Variants in KPNA1 observed in about 807,000 individuals in gnomAD.
KPNA1 encodes karyopherin subunit alpha 1, also known as importin subunit alpha-5.
KPNA1 carries 10 observed loss-of-function variants against 70.5 expected under a neutral mutation model. The observed-to-expected ratio is 0.14, with a 90% CI of 0.09 to 0.24. The LOEUF is 0.24. Among genes scored for constraint, KPNA1 ranks in the 10% least tolerant of loss-of-function variants. The pLI is 1.00. For missense variants in KPNA1, 397 were observed against 637.9 expected (o/e 0.62, Z 4.07); for synonymous variants, 192 against 221.9 (o/e 0.87, Z 1.20).
chr3:122,481,985 G>C (rs2076576273), intron 2 of KPNA1, among the ~76,000 whole-genome samples: 1 of 152,020 alleles, frequency 6.6e-6, no homozygotes, highest in Non-Finnish European at 1.5e-5. Context: ...TACTGTATAA[G>C]AACATACATA....
rs573159535 is a variant in KPNA1, at chr3:122,427,054, C to G, written c.1548G>C (p.Gln516His). 1 of 1,614,126 alleles carries G rather than the reference C, an allele frequency of 6.2e-7. No homozygotes were observed. The highest frequency in any genetic ancestry group is 1.1e-5 in the South Asian group (1 of 91,082). The change falls in exon 14 of 14, where the codon CAG becomes CAC. Residue 516 changes from glutamine to histidine, a missense_variant. By Grantham distance (24) the Gln-to-His change is conservative. Coordinates refer to ENST00000344337, the MANE Select transcript of KPNA1 (RefSeq NM_002264.4). ...TEDEDSSIAP[Q>H]VDLNQQQYIF... Reference sequence around the variant, plus strand: ...TGTACTGCTGCTGGTTAAGGTCAACCTGGGGTGCAATGCTGCTGTCTTCAT... The same window carrying G: ...TGTACTGCTGCTGGTTAAGGTCAACGTGGGGTGCAATGCTGCTGTCTTCAT...
intron 11 of KPNA1, among the ~76,000 whole-genome samples, chr3:122,436,913 GACT>G (rs1301643740): frequency 6.6e-6 from 1 of 152,086 alleles, no homozygotes; most frequent in East Asian, 1.9e-4. Context: ...GCGTAGCTGG[GACT>G]ACAGGCACCT....
intron 5 of KPNA1, chr3:122,460,160 GA>G: frequency 1.0e-6 from 1 of 985,104 alleles, no homozygotes; most frequent in African/African-American, 1.7e-5. Flanking sequence ...CTACAGGTGA[GA>G]ATTTAGGGAT....
At chr3:122,440,169 C>T (rs1432909850) in intron 10 of KPNA1, among the ~76,000 whole-genome samples, 1 of 152,062 alleles carries the variant, frequency 6.6e-6, no homozygotes, top group African/African-American at 2.4e-5. Flanking sequence ...CATAATCCAC[C>T]TCTAGAATCT....
chr3:122,497,112 A>G (rs2076772099), intron 1 of KPNA1, among the ~76,000 whole-genome samples: 1 of 152,232 alleles, frequency 6.6e-6, no homozygotes, highest in South Asian at 2.1e-4. Flanking sequence ...AATCACCTCA[A>G]AAAGAAATCC....
chr3:122,495,716 C>T (rs2076751686), intron 2 of KPNA1, among the ~76,000 whole-genome samples: 1 of 127,596 alleles, frequency 7.8e-6, no homozygotes, highest in Admixed American at 8.8e-5. Flanking sequence ...GCTCCAAAGT[C>T]TCTCCTTAGC....
At chr3:122,445,059 G>A (rs192002814) in intron 9 of KPNA1, among the ~76,000 whole-genome samples, 9 of 152,318 alleles carry the variant, frequency 5.9e-5, no homozygotes, top group South Asian at 2.1e-4. Flanking sequence ...TAACTTTGAC[G>A]AGTTGACAGA....
Position 122,514,425 on chromosome 3 carries a change from C to A in KPNA1, c.-6+332G>T, listed in dbSNP as rs964207156. On this transcript the variant is annotated intron_variant, in intron 1 of 13. Transcript: ENST00000344337. ...AGGCTCCGCGCTCGCCTCCTCTCCG[C>A]CCGCTGCCTCGGCGCCCCGCAGTCC... 2.0e-5 allele frequency: 3 copies of A among 151,366 alleles called. No individual in the cohort carries two copies. In the Admixed American group the frequency reaches 2.0e-4, roughly 10 times the overall value. 9.4% of individuals were successfully genotyped at this position (151,366 alleles called of 1,614,324 possible).
At chr3:122,478,729 A>T (rs2076534980) in intron 2 of KPNA1, among the ~76,000 whole-genome samples, 1 of 148,808 alleles carries the variant, frequency 6.7e-6, no homozygotes, top group African/African-American at 2.5e-5. Flanking sequence ...CTTCATCTAA[A>T]AAAAAAAAAA....
intron 2 of KPNA1, among the ~76,000 whole-genome samples, chr3:122,470,196 A>G (rs775959076): frequency 2.0e-5 from 3 of 152,202 alleles, no homozygotes; most frequent in African/African-American, 4.8e-5. Flanking sequence ...TATATACATA[A>G]GATTACAAAC....
intron 5 of KPNA1, among the ~76,000 whole-genome samples, chr3:122,459,092 G>C (rs912814961): frequency 6.6e-6 from 1 of 152,152 alleles, no homozygotes; most frequent in African/African-American, 2.4e-5. Context: ...AGAGATTTCT[G>C]AAGGCTTTCA....
chr3:122,501,256 C>A (rs2076826346), intron 1 of KPNA1, among the ~76,000 whole-genome samples: 1 of 151,910 alleles, frequency 6.6e-6, no homozygotes, highest in South Asian at 2.1e-4. Flanking sequence ...CAACTCCTGA[C>A]CTCAAGTGAT....
At chr3:122,470,385 G>A (rs980841217) in intron 2 of KPNA1, among the ~76,000 whole-genome samples, 12 of 152,050 alleles carry the variant, frequency 7.9e-5, no homozygotes, top group Admixed American at 1.3e-4. Context: ...GGCAGCGGGC[G>A]CCTGTAGTCC....
At chr3:122,506,607 T>C (rs6780306) in intron 1 of KPNA1, among the ~76,000 whole-genome samples, 34,126 of 152,188 alleles carry the variant, frequency 0.22, 4,247 homozygotes, top group Non-Finnish European at 0.27. Flanking sequence ...CAATAAAGCT[T>C]TTCCTGTGAG....
In KPNA1 at chr3:122,491,195, C is replaced by T. The variant is rs187649605; in HGVS notation, c.129+5242G>A. 2.2e-3 allele frequency among the ~76,000 whole-genome samples: 334 copies of T among 152,168 alleles called. 3 individuals carry two copies. The highest frequency in any genetic ancestry group is 7.9e-3 in the African/African-American group (326 of 41,514). On this transcript the variant is annotated intron_variant, in intron 2 of 13. Transcript: ENST00000344337. ...GTTATTTAAAACATTTACACGATTC[C>T]AAAATCATACCCAGTCACTAACATT...
chr3:122,499,475 G>T (rs568283452), intron 1 of KPNA1, among the ~76,000 whole-genome samples: 6 of 151,818 alleles, frequency 4.0e-5, no homozygotes, highest in Admixed American at 2.6e-4. Flanking sequence ...GACAAGGGAC[G>T]GGTAGAGTGG....
At chr3:122,433,449 A>G (rs1156980652) in intron 12 of KPNA1, among the ~76,000 whole-genome samples, 2 of 152,220 alleles carry the variant, frequency 1.3e-5, no homozygotes, top group African/African-American at 2.4e-5. Context: ...GGAGAGTTAT[A>G]AAGAATTAAA....
At chr3:122,435,981 C>T (rs570256088) in intron 11 of KPNA1, among the ~76,000 whole-genome samples, 11 of 152,120 alleles carry the variant, frequency 7.2e-5, no homozygotes, top group Admixed American at 2.0e-4. Flanking sequence ...GAGAGCTAGG[C>T]GGAACAGAGC....
At chr3:122,436,781 GTTTTA>G (rs1344499606) in intron 11 of KPNA1, among the ~76,000 whole-genome samples, 1 of 152,098 alleles carries the variant, frequency 6.6e-6, no homozygotes, top group Non-Finnish European at 1.5e-5. Flanking sequence ...AACGATATAC[GTTTTA>G]TTTTGTTTTG....
Sources: gnomAD v4.1 joint callset for allele counts (sites outside exome capture counted in the v4.1 genomes callset) on GRCh38, gnomAD v4.1.1 for gene constraint, MANE v1.5 for transcripts, NCBI Gene and HGNC (gene_info 2026-07-23, HGNC 2026-07-21) for gene names.